Variants in LIPG observed in about 807,000 individuals in gnomAD.
LIPG encodes endothelial lipase.
In LIPG, 34 loss-of-function variants were observed where a neutral mutation model predicts 51.8. The observed-to-expected ratio is 0.66, with a 90% CI of 0.50 to 0.87. LIPG has a LOEUF of 0.87. Among genes scored for constraint, LIPG ranks in the 40% least tolerant of loss-of-function variants. LIPG has a pLI of 0.00. For missense variants in LIPG, 580 were observed against 652.7 expected, an observed-to-expected ratio of 0.89 and a Z score of 1.21; for synonymous variants, 246 against 246.1, an observed-to-expected ratio of 1.00 and a Z score of 0.00.
At chr18:49,581,907 G>A in intron 6 of LIPG, 1 of 599,274 alleles carries the variant, frequency 1.7e-6, no homozygotes, top group Non-Finnish European at 2.9e-6. Flanking sequence ...TTTCTATCTT[G>A]CATTTAACTT....
At position 49,582,387 on chromosome 18, in the gene LIPG, T is replaced by G; in HGVS notation, c.1062T>G (p.His354Gln). The change falls in exon 7 of 10, where the codon CAT (histidine) becomes CAG (glutamine). Residue 354 changes from histidine (H) to glutamine (Q), a missense_variant. Coordinates refer to ENST00000261292, the MANE Select transcript of LIPG (RefSeq NM_006033.4). ...TTTACCATTATCAGATGAAAATCCA[T>G]GTCTTCAGTTACAAGAACATGGGAG... Reference protein sequence around the residue: ...FRVYHYQMKIHVFSYKNMGEI... With the variant: ...FRVYHYQMKIQVFSYKNMGEI... 1 of 1,614,220 alleles carries G rather than the reference T, an allele frequency of 6.2e-7. No individual in the cohort carries two copies. Among genetic ancestry groups the G allele is most frequent in the Non-Finnish European group, 8.5e-7 (1 of 1,180,034 alleles).
At position 49,593,642 on chromosome 18, in the gene LIPG, A is replaced by G. The variant is rs2084964637; in HGVS notation, c.*3120A>G. ...CAGGTTCTTAGTTTTTCACTGTGCCATTCATGGGGTATTCCTCGCATCCCC... is the reference window on the plus strand; with the variant it reads ...CAGGTTCTTAGTTTTTCACTGTGCCGTTCATGGGGTATTCCTCGCATCCCC... On this transcript the variant is annotated 3_prime_UTR_variant, in exon 10 of 10. Transcript: ENST00000261292. 1 of 152,198 alleles carries G rather than the reference A, an allele frequency of 6.6e-6. No individual in the cohort carries two copies. The highest frequency in any genetic ancestry group is 2.4e-5 in the African/African-American group (1 of 41,448). 9.4% of individuals were successfully genotyped at this position (152,198 alleles called of 1,614,324 possible).
In LIPG at chr18:49,562,145, C is replaced by T; in HGVS notation, c.-164C>T. 1.4e-6 allele frequency: 2 copies of T among 1,471,706 alleles called. No homozygotes were observed. Among genetic ancestry groups the T allele is most frequent in the South Asian group, 1.4e-5 (1 of 71,704 alleles). The allele number at this position is 1,471,706 out of a possible 1,614,324, so 91.2% of individuals were successfully genotyped here. On this transcript the variant is annotated 5_prime_UTR_variant, in exon 1 of 10. Coordinates refer to ENST00000261292, the MANE Select transcript of LIPG (RefSeq NM_006033.4). ...TTGACACTCGCTCCCTGCCACCGCC[C>T]GGGCTCCGTGCCGCCAAGTTTTCAT...
At chr18:49,568,255 C>T (rs1288113196) in intron 3 of LIPG, among the ~76,000 whole-genome samples, 1 of 152,164 alleles carries the variant, frequency 6.6e-6, no homozygotes, top group Non-Finnish European at 1.5e-5. Flanking sequence ...TGGTCTTGAT[C>T]TCCTGACCTC....
chr18:49,575,316 C>T, intron 4 of LIPG, 53 bp from the exon 5 acceptor site: 2 of 1,463,880 alleles, frequency 1.4e-6, no homozygotes, highest in Non-Finnish European at 1.9e-6. Flanking sequence ...TCAGGACTCA[C>T]TGACCAGGTG....
intron 5 of LIPG, among the ~76,000 whole-genome samples, chr18:49,581,003 A>G (rs1298426035): frequency 6.6e-6 from 1 of 152,150 alleles, no homozygotes; most frequent in Non-Finnish European, 1.5e-5. Flanking sequence ...TCACATCTGT[A>G]ATCCCAGCAC....
At chr18:49,567,692 G>T (rs1292264618) in intron 3 of LIPG, 71 bp downstream of exon 3, 1 of 1,482,496 alleles carries the variant, frequency 6.7e-7, no homozygotes, top group African/African-American at 1.4e-5. Flanking sequence ...AGAAATGCAG[G>T]TCATGCATCT....
Position 49,575,597 on chromosome 18 carries a change from TC to T in LIPG, c.793+10del. On this transcript the variant is annotated splice_region_variant and intron_variant, in intron 5 of 9. Transcript: ENST00000261292. ...GGATCAATTGCATATGGAAGTGAGT[TC>T]CCTCTTTTCTGCTTTGTGTTTGACT... 6.2e-7 allele frequency: 1 copy of T among 1,610,954 alleles called. No homozygotes were observed. Among genetic ancestry groups the T allele is most frequent in the African/African-American group, 1.3e-5 (1 of 75,004 alleles).
chr18:49,590,588 A>G lies in LIPG; in HGVS notation c.*66A>G, dbSNP rs2084932180. 1 of 1,513,014 alleles carries G rather than the reference A, an allele frequency of 6.6e-7. No homozygotes were observed. The highest frequency in any genetic ancestry group is 1.2e-5 in the South Asian group (1 of 84,012). The allele number at this position is 1,513,014 out of a possible 1,614,324, so 93.7% of individuals were successfully genotyped here. A position where few individuals can be genotyped will look rare whatever the true frequency, so the allele number is the denominator to read the frequency against. ...CCTGCTATCCAAGCCCATGGAGGAA[A>G]GTTACTGCTGAGGACCCACCCAATG... On this transcript the variant is annotated 3_prime_UTR_variant, in exon 10 of 10. Coordinates refer to ENST00000261292, the MANE Select transcript of LIPG (RefSeq NM_006033.4).
Position 49,597,021 on chromosome 18 carries a change from C to T in LIPG, c.*6499C>T, listed in dbSNP as rs1293997766. ...AGTTGTCTGCATTGTTTAAAGAAGA[C>T]GTTTGTTAATCCAAATTAATCTTTG... On this transcript the variant is annotated 3_prime_UTR_variant, in exon 10 of 10. Transcript: ENST00000261292. The T allele has an allele frequency of 1.3e-5, 2 of 152,162 alleles. No homozygotes were observed. The highest frequency in any genetic ancestry group is 2.9e-5 in the Non-Finnish European group (2 of 68,050). 9.4% of individuals were successfully genotyped at this position (152,162 alleles called of 1,614,324 possible). A position where few individuals can be genotyped will look rare whatever the true frequency, so the allele number is the denominator to read the frequency against.
chr18:49,568,301 A>G (rs2084628278), intron 3 of LIPG, among the ~76,000 whole-genome samples: 1 of 152,126 alleles, frequency 6.6e-6, no homozygotes, highest in Admixed American at 6.5e-5. Context: ...AAGTACTGGG[A>G]TTACAGGCAT....
At position 49,594,847 on chromosome 18, in the gene LIPG, C is replaced by T. The variant is rs955304763; in HGVS notation, c.*4325C>T. The T allele has an allele frequency of 6.6e-6, 1 of 152,198 alleles. No individual in the cohort carries two copies. Among genetic ancestry groups the T allele is most frequent in the African/African-American group, 2.4e-5 (1 of 41,440 alleles). 9.4% of individuals were successfully genotyped at this position (152,198 alleles called of 1,614,324 possible). ...TAGACAATAAGAGATAAGTTCTTAA[C>T]TTGGTTCAGATGTCAGAGGAAAGCA... On this transcript the variant is annotated 3_prime_UTR_variant, in exon 10 of 10. Coordinates refer to ENST00000261292, the MANE Select transcript of LIPG (RefSeq NM_006033.4).
At chr18:49,579,031 A>ACCGTG (rs1394048015) in intron 5 of LIPG, among the ~76,000 whole-genome samples, 5 of 68 alleles carry the variant, frequency 0.074, no homozygotes, top group Non-Finnish European at 0.12. Context: ...GGAGAGGGAG[A>ACCGTG]GGGAGAGGGA....
In LIPG at chr18:49,586,776, C is replaced by T. The variant is rs1170873776; in HGVS notation, c.1407C>T (p.Asn469=). The change falls in exon 9 of 10, where the codon AAC becomes AAT. Residue 469 remains asparagine (N), a synonymous_variant. Coordinates refer to ENST00000261292, the MANE Select transcript of LIPG (RefSeq NM_006033.4). ...CATTTTGTACAGAAGACCCTGAGAA[C>T]ACCAGCATATCCCCAGGCCGGGAGC... is the stretch of plus-strand genomic sequence containing the variant. The part of the protein sequence containing the change: ...KLTFCTEDPE[N]TSISPGRELW... The T allele has an allele frequency of 6.2e-7, 1 of 1,614,086 alleles. No individual in the cohort carries two copies. Among genetic ancestry groups the T allele is most frequent in the Non-Finnish European group, 8.5e-7 (1 of 1,179,956 alleles).
At chr18:49,585,551 A>G (rs1198688448) in intron 8 of LIPG, among the ~76,000 whole-genome samples, 1 of 152,218 alleles carries the variant, frequency 6.6e-6, no homozygotes, top group Non-Finnish European at 1.5e-5. Context: ...CATTGCACAA[A>G]TAGTTTTGCC....
chr18:49,579,170 G>C (rs1355359351), intron 5 of LIPG, among the ~76,000 whole-genome samples: 2 of 196 alleles, frequency 0.01, 1 homozygote, highest in Non-Finnish European at 0.026. Context: ...GAGAGGGAGA[G>C]GGAGAGGGAG....
intron 7 of LIPG, among the ~76,000 whole-genome samples, chr18:49,582,779 A>C (rs1476424129): frequency 6.6e-6 from 1 of 152,240 alleles, no homozygotes; most frequent in African/African-American, 2.4e-5. Context: ...CATTTCAGGC[A>C]ATGCCTGACG....
intron 8 of LIPG, among the ~76,000 whole-genome samples, chr18:49,585,972 G>T (rs2143975221): frequency 6.6e-6 from 1 of 152,296 alleles, no homozygotes; most frequent in South Asian, 2.1e-4. Context: ...TCCTGGGAAA[G>T]GTTCTTAAGC....
chr18:49,569,614 G>C (rs2084642744), intron 4 of LIPG, 66 bp downstream of exon 4: 1 of 1,254,444 alleles, frequency 8.0e-7, no homozygotes, highest in Non-Finnish European at 1.2e-6. Flanking sequence ...TCCCAAATGA[G>C]GCAGCAGAGT....
Sources: allele counts gnomAD v4.1 joint callset (sites outside exome capture counted in the v4.1 genomes callset), GRCh38; gene constraint gnomAD v4.1.1; transcripts MANE v1.5; gene names NCBI Gene and HGNC (gene_info 2026-07-23, HGNC 2026-07-21).